The following GGA2 variants were observed in gnomAD, a reference collection of about 807,000 sequenced individuals.
GGA2 encodes the protein ADP-ribosylation factor-binding protein GGA2.
A neutral mutation model predicts 79.5 loss-of-function variants in GGA2; 48 were observed. That is an observed-to-expected ratio of 0.60 (90% confidence interval 0.48 to 0.77). The LOEUF (loss-of-function observed/expected upper bound fraction) is 0.77. Ranked by LOEUF, GGA2 falls within the 30% of genes least tolerant of loss-of-function variation. GGA2 has a pLI of 0.00. For missense variants in GGA2, 770 were observed against 774.0 expected (o/e 0.99, Z 0.06); for synonymous variants, 317 against 302.0 (o/e 1.05, Z -0.51).
chr16:23,478,518 G>A lies in GGA2; in HGVS notation c.1159-17C>T, dbSNP rs770099397. 6 of 1,601,872 alleles carry A rather than the reference G, an allele frequency of 3.7e-6. No individual in the cohort carries two copies. Among genetic ancestry groups the A allele is most frequent in the Non-Finnish European group, 4.3e-6 (5 of 1,171,748 alleles). ...ACCAGAAACCTGTCAAATCAGGAAT[G>A]GCTAAAATAAGACCAGGGTATGAAT... On this transcript the variant is annotated splice_polypyrimidine_tract_variant and intron_variant, in intron 12 of 16. Transcript: ENST00000309859.
rs376541644 is a variant in GGA2, at chr16:23,483,053, C to T, written c.799-49G>A. ...TGACACACGCCCAGGCACCCCATAA[C>T]GCCCCCCTCCAGGGCCCCAGGAGCC... On this transcript the variant is annotated intron_variant, in intron 8 of 16. Transcript: ENST00000309859. 636 of 1,230,780 alleles carry T rather than the reference C, an allele frequency of 5.2e-4. 2 individuals carry two copies. The highest frequency in any genetic ancestry group is 7.0e-4 in the Non-Finnish European group (584 of 833,670). The allele number at this position is 1,230,780 out of a possible 1,614,324, so 76.2% of individuals were successfully genotyped here. A position where few individuals can be genotyped will look rare whatever the true frequency, so the allele number is the denominator to read the frequency against.
intron 12 of GGA2, 22 bp downstream of exon 12, chr16:23,478,861 G>C (rs1219098032): frequency 1.3e-6 from 2 of 1,574,102 alleles, no homozygotes; most frequent in African/African-American, 2.7e-5. Context: ...CTCTCTCCGG[G>C]CCCTGGGAAG....
intron 6 of GGA2, 36 bp from the exon 7 acceptor site, chr16:23,486,826 C>G: frequency 8.3e-7 from 1 of 1,210,772 alleles, no homozygotes; most frequent in Non-Finnish European, 1.2e-6. Context: ...GGTGAGACCA[C>G]AACTCCCTCA....
At chr16:23,478,337 C>T (rs755894494) in intron 13 of GGA2, 31 bp downstream of exon 13, 9 of 1,534,270 alleles carry the variant, frequency 5.9e-6, no homozygotes, top group Non-Finnish European at 7.9e-6. Flanking sequence ...AGGAGCCACA[C>T]TCTCCCACTC....
At chr16:23,497,593 C>A (rs2142136729) in intron 1 of GGA2, among the ~76,000 whole-genome samples, 1 of 152,276 alleles carries the variant, frequency 6.6e-6, no homozygotes, top group South Asian at 2.1e-4. Context: ...ATATTCTCCT[C>A]CCCACCCCCG....
At chr16:23,516,110 T>C (rs1330541508) in intron 2 of GGA2, among the ~76,000 whole-genome samples, 5 of 151,850 alleles carry the variant, frequency 3.3e-5, no homozygotes, top group African/African-American at 9.7e-5. Flanking sequence ...TGGGCTCAAG[T>C]GATCCTCCCG....
chr16:23,476,609 T>C lies in GGA2; in HGVS notation c.1293-1548A>G, dbSNP rs1964579179. The stretch of plus-strand genomic sequence containing the variant: ...ACTGATATGAAATGCATCACAGATA[T>C]AATATGAAAAGGTCATGCTGGAGTG... On this transcript the variant is annotated intron_variant, in intron 13 of 16. Coordinates refer to ENST00000309859, the MANE Select transcript of GGA2 (RefSeq NM_015044.4). 2.6e-5 allele frequency among the ~76,000 whole-genome samples: 4 copies of C among 152,254 alleles called. No individual in the cohort carries two copies. In the South Asian group the frequency reaches 8.3e-4, roughly 32 times the overall value.
rs190421364 is a variant in GGA2 at position 23,474,794 on chromosome 16, T to A, written c.1450+110A>T. ...GCCCTCATGCAAAATCTCTCCCATTTATCAACCAAATTTAAGGGCCACCTC... is the reference window on the plus strand; with the variant it reads ...GCCCTCATGCAAAATCTCTCCCATTAATCAACCAAATTTAAGGGCCACCTC... On this transcript the variant is annotated intron_variant, in intron 14 of 16. Transcript: ENST00000309859. 22 of 841,452 alleles carry A rather than the reference T, an allele frequency of 2.6e-5. 1 individual carries two copies. Among genetic ancestry groups the A allele is most frequent in the Admixed American group, 2.2e-4 (11 of 50,456 alleles). 52.1% of individuals were successfully genotyped at this position (841,452 alleles called of 1,614,324 possible).
At chr16:23,475,315 G>C (rs976474330) in intron 13 of GGA2, among the ~76,000 whole-genome samples, 1 of 150,092 alleles carries the variant, frequency 6.7e-6, no homozygotes, top group African/African-American at 2.5e-5. Flanking sequence ...TCAGCCTCCC[G>C]AGTAGCTGGG....
At position 23,475,006 on chromosome 16, in the gene GGA2, A is replaced by G. The variant is rs964980675; in HGVS notation, c.1348T>C (p.Ser450Pro). 5.0e-6 allele frequency: 8 copies of G among 1,608,782 alleles called. No homozygotes were observed. Among genetic ancestry groups the G allele is most frequent in the Admixed American group, 1.7e-5 (1 of 59,806 alleles). The stretch of plus-strand genomic sequence containing the variant: ...CCAGCCTCCCAGGACCAACCTGGAG[A>G]GGACTTAGTACCTGGTGGCACTTCC... ...PKEVPPGTKS[S>P]PGWSWEAGPL... The change falls in exon 14 of 17, where the codon TCT becomes CCT. Residue 450 changes from serine to proline, a missense_variant. Physicochemically the swap from Ser to Pro is moderately conservative, Grantham distance 74. Coordinates refer to ENST00000309859, the MANE Select transcript of GGA2 (RefSeq NM_015044.4).
intron 1 of GGA2, among the ~76,000 whole-genome samples, chr16:23,499,928 G>A (rs374434818): frequency 1.1e-3 from 168 of 152,348 alleles, no homozygotes; most frequent in Non-Finnish European, 1.6e-3. Context: ...GCATCACGAT[G>A]GGAACAGGGC....
rs1964789321 is a variant in GGA2 at position 23,491,666 on chromosome 16, G to T, written c.475+11C>A. The T allele has an allele frequency of 6.2e-7, 1 of 1,611,916 alleles. No homozygotes were observed. The highest frequency in any genetic ancestry group is 1.1e-5 in the South Asian group (1 of 91,002). On this transcript the variant is annotated intron_variant, in intron 5 of 16. Transcript: ENST00000309859. Reference sequence around the variant, plus strand: ...TCAAGAGGAAATAAGACACAGTAAGGCAAGTCAGACCTTGTTTCTTCAGCA... The same window carrying T: ...TCAAGAGGAAATAAGACACAGTAAGTCAAGTCAGACCTTGTTTCTTCAGCA...
intron 3 of GGA2, chr16:23,493,733 C>A (rs975893847): frequency 1.0e-5 from 4 of 398,354 alleles, no homozygotes; most frequent in Non-Finnish European, 1.4e-5. Context: ...TTAAGGAGAC[C>A]CTTTGAGAGG....
intron 14 of GGA2, 77 bp from the exon 15 acceptor site, chr16:23,470,242 A>G (rs1162953600): frequency 2.7e-6 from 3 of 1,116,748 alleles, no homozygotes; most frequent in Admixed American, 2.5e-5. Context: ...AGAGATGTAC[A>G]TGTTATCCCC....
intron 1 of GGA2, chr16:23,519,771 C>T: frequency 4.7e-6 from 1 of 213,474 alleles, no homozygotes; most frequent in Non-Finnish European, 1.0e-5. Context: ...TTTGTGAGGT[C>T]CAGTTGGAAG....
At chr16:23,480,296 G>A in intron 10 of GGA2, 1 of 309,760 alleles carries the variant, frequency 3.2e-6, no homozygotes. Flanking sequence ...ATTTCAACCA[G>A]TGCTCCAGGT....
intron 1 of GGA2, chr16:23,501,409 G>A (rs1395191396): frequency 2.3e-6 from 1 of 442,550 alleles, no homozygotes; most frequent in Non-Finnish European, 4.5e-6. Context: ...GCAAGATGGA[G>A]AAGTGTTTTT....
intron 6 of GGA2, among the ~76,000 whole-genome samples, chr16:23,487,613 T>C (rs1397127961): frequency 6.6e-6 from 1 of 152,042 alleles, no homozygotes; most frequent in Non-Finnish European, 1.5e-5. Context: ...GTGGGACGGA[T>C]GGCAGGAAAA....
chr16:23,490,062 A>T (rs952103558), intron 5 of GGA2, among the ~76,000 whole-genome samples: 1 of 152,164 alleles, frequency 6.6e-6, no homozygotes, highest in Admixed American at 6.5e-5. Context: ...TATCCCTCTG[A>T]CAAGGGATGG....
Sources: gnomAD v4.1 joint callset for allele counts (sites outside exome capture counted in the v4.1 genomes callset) on GRCh38, gnomAD v4.1.1 for gene constraint, MANE v1.5 for transcripts, NCBI Gene and HGNC (gene_info 2026-07-23, HGNC 2026-07-21) for gene names.